Variants in CFAP299 observed in about 807,000 individuals in gnomAD.
CFAP299 encodes cilia- and flagella-associated protein 299.
CFAP299 carries 21 observed loss-of-function variants against 27.0 expected under a neutral mutation model. That is an observed-to-expected ratio of 0.78 (90% confidence interval 0.55 to 1.12). The LOEUF (loss-of-function observed/expected upper bound fraction) is 1.12, where lower values mean the gene tolerates loss of function less well. CFAP299 is among the 50% of genes most tolerant of loss of function. CFAP299 has a pLI of 0.00. For synonymous variants in CFAP299, 104 were observed against 98.1 expected, an observed-to-expected ratio of 1.06 and a Z score of -0.36; for missense variants, 310 against 276.6, an observed-to-expected ratio of 1.12 and a Z score of -0.86.
chr4:80,850,660 A>G (rs147200196), intron 3 of CFAP299, among the ~76,000 whole-genome samples: 35 of 152,206 alleles, frequency 2.3e-4, no homozygotes. Flanking sequence ...CGCAATAGTA[A>G]AAAGGTTGCA....
At chr4:80,526,809 A>T (rs895906984) in intron 2 of CFAP299, among the ~76,000 whole-genome samples, 6 of 152,140 alleles carry the variant, frequency 3.9e-5, no homozygotes, top group East Asian at 1.9e-4. Flanking sequence ...CACCTTTTAG[A>T]TCCTGTTCTA....
chr4:80,936,903 A>G (rs970212374), intron 4 of CFAP299, among the ~76,000 whole-genome samples: 18 of 152,170 alleles, frequency 1.2e-4, no homozygotes, highest in Admixed American at 1.1e-3. Flanking sequence ...AGATGAATGT[A>G]TATTCTGCTG....
intron 3 of CFAP299, among the ~76,000 whole-genome samples, chr4:80,590,237 C>T (rs909023019): frequency 6.6e-6 from 1 of 152,184 alleles, no homozygotes; most frequent in African/African-American, 2.4e-5. Context: ...TTCGTTCCTT[C>T]TTGTGTCTCA....
intron 3 of CFAP299, among the ~76,000 whole-genome samples, chr4:80,737,412 T>A (rs1723973584): frequency 6.6e-6 from 1 of 152,166 alleles, no homozygotes; most frequent in Non-Finnish European, 1.5e-5. Flanking sequence ...AATCCATCAG[T>A]TCTCAGGCTT....
At chr4:80,909,247 ACTGT>A (rs1001138764) in intron 4 of CFAP299, among the ~76,000 whole-genome samples, 9 of 151,958 alleles carry the variant, frequency 5.9e-5, no homozygotes, top group Admixed American at 3.3e-4. Context: ...AACTTCATTG[ACTGT>A]CTGGGGTGGT....
At chr4:80,396,438 A>G (rs2110043063) in intron 2 of CFAP299, among the ~76,000 whole-genome samples, 1 of 152,240 alleles carries the variant, frequency 6.6e-6, no homozygotes, top group South Asian at 2.1e-4. Context: ...TACATTTTAT[A>G]TTTACAATTT....
intron 3 of CFAP299, among the ~76,000 whole-genome samples, chr4:80,629,162 A>G (rs1007934664): frequency 1.3e-5 from 2 of 152,188 alleles, no homozygotes; most frequent in African/African-American, 4.8e-5. Flanking sequence ...ATTTGCAACA[A>G]CATGTATTAA....
chr4:80,796,891 C>G lies in CFAP299; in HGVS notation c.334-73102C>G, dbSNP rs113713207. The stretch of plus-strand genomic sequence containing the variant: ...GCTCTCACCCTACCAGTTAGGGAAC[C>G]AATGTGGGCATTCTGTCATCTGCTA... On this transcript the variant is annotated intron_variant, in intron 3 of 5. Transcript: ENST00000358105. Among the ~76,000 whole-genome samples, 1,132 of 152,268 alleles carry G rather than the reference C, an allele frequency of 7.4e-3. 12 individuals are homozygous for G. Among genetic ancestry groups the G allele is most frequent in the African/African-American group, 0.026 (1,065 of 41,550 alleles).
rs539531814 is a variant in CFAP299 at position 80,766,701 on chromosome 4, CAAAT to C, written c.334-103288_334-103285del. On this transcript the variant is annotated intron_variant, in intron 3 of 5. Coordinates refer to ENST00000358105, the MANE Select transcript of CFAP299 (RefSeq NM_152770.3). ...GTTCAAAATAACCAACCAACCAAAA[CAAAT>C]AAACAAACAAAACAAAACAAATTAG... 2.5e-3 allele frequency among the ~76,000 whole-genome samples: 380 copies of C among 152,174 alleles called. 1 individual carries two copies. The highest frequency in any genetic ancestry group is 8.6e-3 in the African/African-American group (359 of 41,530).
At chr4:80,447,162 G>A (rs1175483812) in intron 2 of CFAP299, among the ~76,000 whole-genome samples, 4 of 105,590 alleles carry the variant, frequency 3.8e-5, no homozygotes, top group South Asian at 3.6e-4. Flanking sequence ...TTGAGACGGA[G>A]TCTCGCTCTG....
At chr4:80,525,640 G>A (rs763996627) in intron 2 of CFAP299, among the ~76,000 whole-genome samples, 39 of 152,136 alleles carry the variant, frequency 2.6e-4, no homozygotes, top group South Asian at 1.2e-3. Flanking sequence ...TAATCTGGCC[G>A]TTTCCTCCCC....
chr4:80,813,274 C>G (rs1448515535), intron 3 of CFAP299, among the ~76,000 whole-genome samples: 1 of 151,962 alleles, frequency 6.6e-6, no homozygotes, highest in East Asian at 1.9e-4. Context: ...GAAAAATTAT[C>G]TCGAGCCTTT....
chr4:80,954,525 G>T (rs1437056380), intron 5 of CFAP299, among the ~76,000 whole-genome samples: 1 of 152,080 alleles, frequency 6.6e-6, no homozygotes, highest in Non-Finnish European at 1.5e-5. Flanking sequence ...TACATTGGTG[G>T]CCCTGAACAT....
chr4:80,859,698 G>A (rs546272530), intron 3 of CFAP299, among the ~76,000 whole-genome samples: 26 of 152,058 alleles, frequency 1.7e-4, no homozygotes, highest in African/African-American at 5.3e-4. Context: ...TGAAATTCTC[G>A]GTTGAAAATT....
chr4:80,867,589 G>A (rs138706262), intron 3 of CFAP299, among the ~76,000 whole-genome samples: 1 of 152,296 alleles, frequency 6.6e-6, no homozygotes, highest in East Asian at 1.9e-4. Context: ...TGGCAGATTT[G>A]GTTTCTTAGG....
chr4:80,340,552 A>T (rs1722394126), intron 1 of CFAP299, among the ~76,000 whole-genome samples: 1 of 152,132 alleles, frequency 6.6e-6, no homozygotes, highest in South Asian at 2.1e-4. Context: ...ACAAGCTAAG[A>T]CCCACTCGCT....
At chr4:80,502,364 A>G (rs1731788466) in intron 2 of CFAP299, among the ~76,000 whole-genome samples, 1 of 152,108 alleles carries the variant, frequency 6.6e-6, no homozygotes, top group African/African-American at 2.4e-5. Context: ...TGCCATGAAG[A>G]GCAAGTCAAT....
At chr4:80,351,840 TTAA>T (rs1282831840) in intron 1 of CFAP299, among the ~76,000 whole-genome samples, 2 of 150,380 alleles carry the variant, frequency 1.3e-5, no homozygotes, top group African/African-American at 4.9e-5. Flanking sequence ...TAACAATCTA[TTAA>T]TGTTAATACA....
At chr4:80,596,873 G>T (rs750006213) in intron 3 of CFAP299, among the ~76,000 whole-genome samples, 3 of 151,896 alleles carry the variant, frequency 2.0e-5, no homozygotes, top group Non-Finnish European at 4.4e-5. Flanking sequence ...TAAATATTTT[G>T]TTTATGAGAA....
Sources: gnomAD v4.1 joint callset for allele counts (sites outside exome capture counted in the v4.1 genomes callset) on GRCh38, gnomAD v4.1.1 for gene constraint, MANE v1.5 for transcripts, NCBI Gene and HGNC (gene_info 2026-07-23, HGNC 2026-07-21) for gene names.